Variants in ZNF318 observed in about 807,000 individuals in gnomAD.
ZNF318 encodes endocrine regulator.
A neutral mutation model predicts 124.2 loss-of-function variants in ZNF318; 51 were observed. The ratio of observed to expected loss-of-function variants is 0.41; its 90% confidence interval spans 0.33 to 0.52. The LOEUF (loss-of-function observed/expected upper bound fraction) is 0.52. Among genes scored for constraint, ZNF318 ranks in the 20% least tolerant of loss-of-function variants. ZNF318 has a pLI of 0.23. For missense variants in ZNF318, 2,815 were observed against 2,811.2 expected, an observed-to-expected ratio of 1.00 and a Z score of -0.03; for synonymous variants, 1,090 against 1,040.7, an observed-to-expected ratio of 1.05 and a Z score of -0.91.
chr6:43,364,725 T>C (rs1779736340), intron 2 of ZNF318, among the ~76,000 whole-genome samples: 1 of 152,206 alleles, frequency 6.6e-6, no homozygotes, highest in Non-Finnish European at 1.5e-5. Context: ...CTCTCTTGAG[T>C]GTATCTACCC....
At chr6:43,363,066 T>C (rs1302675622) in intron 2 of ZNF318, among the ~76,000 whole-genome samples, 1 of 152,190 alleles carries the variant, frequency 6.6e-6, no homozygotes, top group Non-Finnish European at 1.5e-5. Flanking sequence ...AAACACATGA[T>C]TCTACAAAGA....
Position 43,355,044 on chromosome 6 carries a change from G to C in ZNF318, c.2290C>G (p.Pro764Ala). 1.2e-6 allele frequency: 2 copies of C among 1,613,996 alleles called. No individual in the cohort carries two copies. Among genetic ancestry groups the C allele is most frequent in the Non-Finnish European group, 1.7e-6 (2 of 1,179,920 alleles). ...HTAALSQFHM[P>A]RASQFAAARI... ...GCTGCAGCAAACTGAGAGGCCCTTG[G>C]CATGTGAAACTGAGATAAAGCAGCA... Residue 764 changes from proline (P) to alanine (A), a missense_variant, in exon 4 of 10, where the codon CCA (proline) becomes GCA (alanine). Around this residue, in one of 4 missense-constraint regions of ZNF318, gnomAD observed 1,377 missense variants for 1,353.5 expected, o/e 1.02. Coordinates refer to ENST00000361428, the MANE Select transcript of ZNF318 (RefSeq NM_014345.3).
rs559284839 is a variant in ZNF318, at chr6:43,352,298, T to C, written c.2770+79A>G. On this transcript the variant is annotated intron_variant, in intron 5 of 9. Transcript: ENST00000361428. ...AATTTTTAATGAAGTTTCAGGTTAC[T>C]GAACCTGTGTGAGAGTACCAAATTT... 26 of 874,260 alleles carry C rather than the reference T, an allele frequency of 3.0e-5. No homozygotes were observed. The African/African-American group carries it at 7.5e-4, about 25-fold the overall frequency. The allele number at this position is 874,260 out of a possible 1,614,324, so 54.2% of individuals were successfully genotyped here. A position where few individuals can be genotyped will look rare whatever the true frequency, so the allele number is the denominator to read the frequency against.
Position 43,338,860 on chromosome 6 carries a change from G to A in ZNF318, c.5138C>T (p.Ser1713Phe), listed in dbSNP as rs571927007. 3.1e-6 allele frequency: 5 copies of A among 1,613,996 alleles called. No individual in the cohort carries two copies. The highest frequency in any genetic ancestry group is 4.2e-6 in the Non-Finnish European group (5 of 1,180,026). ...CAGGTCAAGCTCACTCTTCTCTGGA[G>A]ATATATCCCTACTAGTGTCACTCTG... Reference protein sequence around the residue: ...SFQSDTSRDISPEKSELDLGE... With the variant: ...SFQSDTSRDIFPEKSELDLGE... The change falls in exon 10 of 10, where the codon TCT becomes TTT. Residue 1713 changes from serine to phenylalanine, a missense_variant. Around this residue, in one of 4 missense-constraint regions of ZNF318, gnomAD observed 927 missense variants for 820.6 expected, o/e 1.13. Transcript: ENST00000361428.
chr6:43,353,420 G>C (rs762859057), intron 4 of ZNF318, among the ~76,000 whole-genome samples: 1 of 150,112 alleles, frequency 6.7e-6, no homozygotes, highest in African/African-American at 2.5e-5. Context: ...TGTTGCCCAG[G>C]CTGGTGTGCA....
At chr6:43,365,237 A>T in intron 2 of ZNF318, 55 bp downstream of exon 2, 1 of 1,559,670 alleles carries the variant, frequency 6.4e-7, no homozygotes, top group Non-Finnish European at 8.7e-7. Flanking sequence ...GGAAAACAGC[A>T]ACATTTCTGC....
At chr6:43,368,121 G>C (rs768154619) in intron 1 of ZNF318, among the ~76,000 whole-genome samples, 24 of 152,196 alleles carry the variant, frequency 1.6e-4, no homozygotes, top group Non-Finnish European at 2.9e-5. Flanking sequence ...TGGTGGTTAT[G>C]GTTAAAGGTC....
intron 2 of ZNF318, chr6:43,363,963 G>C (rs904161564): frequency 1.5e-6 from 1 of 681,236 alleles, no homozygotes; most frequent in African/African-American, 1.8e-5. Context: ...TTCCTTGCAA[G>C]GTGACAGGCT....
rs766537384 is a variant in ZNF318, at chr6:43,356,157, AAC to A, written c.1189-14_1189-13del. ...GAAAAACTCTCAAGCTGCAAAGACA[AAC>A]ACAACTGATTTAGTCTTATGCAGAA... On this transcript the variant is annotated splice_polypyrimidine_tract_variant and intron_variant, in intron 3 of 9. Coordinates refer to ENST00000361428, the MANE Select transcript of ZNF318 (RefSeq NM_014345.3). 1 of 1,605,136 alleles carries A rather than the reference AAC, an allele frequency of 6.2e-7. No individual in the cohort carries two copies. The highest frequency in any genetic ancestry group is 8.5e-7 in the Non-Finnish European group (1 of 1,176,878).
intron 2 of ZNF318, among the ~76,000 whole-genome samples, chr6:43,360,030 CAA>C (rs1779660262): frequency 6.6e-6 from 1 of 152,128 alleles, no homozygotes; most frequent in Admixed American, 6.5e-5. Context: ...ATCTACCATA[CAA>C]AAAGTCTCTG....
At chr6:43,350,955 T>TC (rs1779515976) in intron 5 of ZNF318, among the ~76,000 whole-genome samples, 1 of 152,202 alleles carries the variant, frequency 6.6e-6, no homozygotes, top group South Asian at 2.1e-4. Context: ...AAGATTCATA[T>TC]TAATTAAAAA....
intron 7 of ZNF318, 145 bp from the exon 8 acceptor site, chr6:43,342,356 G>T: frequency 1.6e-6 from 1 of 631,754 alleles, no homozygotes; most frequent in Non-Finnish European, 2.7e-6. Flanking sequence ...TGTTTTAATG[G>T]AAATCACCTG....
At chr6:43,351,195 T>C (rs1047019328) in intron 5 of ZNF318, among the ~76,000 whole-genome samples, 1 of 152,178 alleles carries the variant, frequency 6.6e-6, no homozygotes, top group Admixed American at 6.5e-5. Flanking sequence ...TTCCAGAATG[T>C]TAATGTTATG....
At chr6:43,362,378 G>T (rs1779693512) in intron 2 of ZNF318, among the ~76,000 whole-genome samples, 1 of 151,862 alleles carries the variant, frequency 6.6e-6, no homozygotes, top group South Asian at 2.1e-4. Flanking sequence ...GCTAGAACCT[G>T]GGAGGCGGAG....
chr6:43,348,755 T>C (rs1434908110), intron 5 of ZNF318, 130 bp from the exon 6 acceptor site: 11 of 1,102,066 alleles, frequency 1.0e-5, no homozygotes, highest in Non-Finnish European at 1.4e-5. Context: ...TAAGAGTGGC[T>C]AGGCGTGGTG....
Position 43,338,986 on chromosome 6 carries a change from T to C in ZNF318, c.5012A>G (p.Tyr1671Cys), listed in dbSNP as rs754449395. 36 of 1,614,230 alleles carry C rather than the reference T, an allele frequency of 2.2e-5. No individual in the cohort carries two copies. Among genetic ancestry groups the C allele is most frequent in the Non-Finnish European group, 2.9e-5 (34 of 1,180,032 alleles). Reference sequence around the variant, plus strand: ...CCTTGTCAGAGGCTGTAGGAAGCCATAGGTGCTGCCTGTGCTTTTTGGGCC... The same window carrying C: ...CCTTGTCAGAGGCTGTAGGAAGCCACAGGTGCTGCCTGTGCTTTTTGGGCC... ...HVGPKSTGST[Y>C]GFLQPLTRLC... The change falls in exon 10 of 10, where the codon TAT (tyrosine) becomes TGT (cysteine). Residue 1671 changes from tyrosine to cysteine, a missense_variant. Physicochemically the swap from Tyr to Cys is radical, Grantham distance 194. Coordinates refer to ENST00000361428, the MANE Select transcript of ZNF318 (RefSeq NM_014345.3).
In ZNF318 at chr6:43,339,629, C is replaced by T. The variant is rs766573720; in HGVS notation, c.4369G>A (p.Val1457Ile). ...GACGGGGCAGCTGGATGAGGTATAA[C>T]GGGGGGTGGTGGAGGTGGTGGAGGT... ...PPPPPPPPPPVIPHPAAPSAA... is the reference protein window; with the variant it reads ...PPPPPPPPPPIIPHPAAPSAA... Residue 1457 changes from valine (V) to isoleucine (I), a missense_variant, in exon 10 of 10, where the codon GTT becomes ATT. Physicochemically the swap from Val to Ile is conservative, Grantham distance 29. Coordinates refer to ENST00000361428, the MANE Select transcript of ZNF318 (RefSeq NM_014345.3). The surrounding 1 kb of genome is among the most constrained non-coding windows in gnomAD (Gnocchi z 4.2). 25 of 715,992 alleles carry T rather than the reference C, an allele frequency of 3.5e-5. No homozygotes were observed. The highest frequency in any genetic ancestry group is 2.3e-4 in the African/African-American group (8 of 34,434). The allele number at this position is 715,992 out of a possible 1,614,324, so 44.4% of individuals were successfully genotyped here.
chr6:43,364,301 T>C (rs920915382), intron 2 of ZNF318: 2 of 399,598 alleles, frequency 5.0e-6, no homozygotes, highest in East Asian at 3.9e-5. Context: ...ATAGGGTTTT[T>C]ATACAAGAAA....
rs1054225188 is a variant in ZNF318 at position 43,342,116 on chromosome 6, T to A, written c.3372A>T (p.Ala1124=). ...GGTGGCAAAAAGGAAACATACCTTT[T>A]GCAGGAACAGTTATCTTGTCAGTGC... ...IKRTDKITVP[A]KGSEFLVPIS... The change falls in exon 8 of 10, where the codon GCA becomes GCT. Residue 1124 remains alanine (A), a synonymous_variant. Transcript: ENST00000361428. 1 of 1,614,122 alleles carries A rather than the reference T, an allele frequency of 6.2e-7. No homozygotes were observed. The highest frequency in any genetic ancestry group is 1.7e-5 in the Admixed American group (1 of 60,026).
Sources: gnomAD v4.1 joint callset for allele counts (sites outside exome capture counted in the v4.1 genomes callset) on GRCh38, gnomAD v4.1.1 for gene constraint, gnomAD v4.1.1 regional missense constraint, Gnocchi (gnomAD v3.1) non-coding constraint, MANE v1.5 for transcripts, NCBI Gene and HGNC (gene_info 2026-07-23, HGNC 2026-07-21) for gene names.